The following SLC8A1 variants were observed in gnomAD, a reference collection of about 807,000 sequenced individuals.
The protein encoded by SLC8A1 is solute carrier family 8 member A1.
SLC8A1 carries 18 observed loss-of-function variants against 68.3 expected under a neutral mutation model. The observed-to-expected ratio is 0.26, with a 90% CI of 0.18 to 0.39. SLC8A1 has a LOEUF of 0.39. Among genes scored for constraint, SLC8A1 ranks in the 10% least tolerant of loss-of-function variants. The pLI is 1.00. For missense variants in SLC8A1, 985 were observed against 1,156.7 expected (o/e 0.85, Z 2.15); for synonymous variants, 475 against 415.5 (o/e 1.14, Z -1.74).
chr2:40,416,470 A>T (rs1693915681), intron 2 of SLC8A1, among the ~76,000 whole-genome samples: 1 of 152,180 alleles, frequency 6.6e-6, no homozygotes, highest in Non-Finnish European at 1.5e-5. Flanking sequence ...GAAAACAAAA[A>T]AATATCATTT....
chr2:40,180,084 G>A (rs2049186609), intron 2 of SLC8A1, among the ~76,000 whole-genome samples: 1 of 151,838 alleles, frequency 6.6e-6, no homozygotes, highest in Non-Finnish European at 1.5e-5. Flanking sequence ...CACACTAGAT[G>A]AACAGCTATA....
At chr2:40,373,455 C>T (rs1427177598) in intron 2 of SLC8A1, among the ~76,000 whole-genome samples, 2 of 152,092 alleles carry the variant, frequency 1.3e-5, no homozygotes, top group African/African-American at 4.8e-5. Flanking sequence ...GTTACAGTCA[C>T]CCTCTTTCCC....
At chr2:40,486,514 C>A (rs936228625) in intron 1 of SLC8A1, among the ~76,000 whole-genome samples, 1 of 152,098 alleles carries the variant, frequency 6.6e-6, no homozygotes, top group African/African-American at 2.4e-5. Context: ...CTCTTTCTAA[C>A]AAATAATTTT....
intron 2 of SLC8A1, among the ~76,000 whole-genome samples, chr2:40,191,767 T>G (rs926565808): frequency 5.9e-5 from 9 of 152,180 alleles, no homozygotes; most frequent in Non-Finnish European, 1.2e-4. Flanking sequence ...TTGAAAATTT[T>G]TTTAAATTTT....
At chr2:40,149,870 T>C (rs1418639477) in intron 6 of SLC8A1, among the ~76,000 whole-genome samples, 6 of 152,012 alleles carry the variant, frequency 3.9e-5, no homozygotes, top group Admixed American at 2.6e-4. Context: ...AAGAAGCCCA[T>C]TGGTCAGTAG....
chr2:40,138,964 A>G (rs886784539), intron 7 of SLC8A1, among the ~76,000 whole-genome samples: 9 of 152,216 alleles, frequency 5.9e-5, no homozygotes. Flanking sequence ...TCAGGTCTCC[A>G]GTAAGTACGT....
At chr2:40,452,376 C>T (rs1234871796), upstream of SLC8A1, among the ~76,000 whole-genome samples, 2 of 152,102 alleles carry the variant, frequency 1.3e-5, no homozygotes, top group African/African-American at 4.8e-5. Context: ...CAGCCTCTGC[C>T]GGCGAGCAGC....
chr2:40,188,894 G>C lies in SLC8A1; in HGVS notation c.1809-11039C>G, dbSNP rs116609375. 7.9e-3 allele frequency among the ~76,000 whole-genome samples: 1,197 copies of C among 152,224 alleles called. 16 individuals are homozygous for C. Among genetic ancestry groups the C allele is most frequent in the African/African-American group, 0.027 (1,113 of 41,550 alleles). On this transcript the variant is annotated intron_variant, in intron 2 of 7. Coordinates refer to ENST00000406785, the Ensembl canonical transcript of SLC8A1. ...AAAGATGGATGCCAGATATTTTCTTGAACATGGCTAAAAGAAACCAATAAT... is the reference window on the plus strand; with the variant it reads ...AAAGATGGATGCCAGATATTTTCTTCAACATGGCTAAAAGAAACCAATAAT...
intron 2 of SLC8A1, among the ~76,000 whole-genome samples, chr2:40,355,437 C>G (rs1559364513): frequency 6.6e-6 from 1 of 152,066 alleles, no homozygotes; most frequent in African/African-American, 2.4e-5. Flanking sequence ...CAGCCAGTGG[C>G]TTTCTTGGTC....
At chr2:40,173,573 G>A (rs1298229457) in intron 4 of SLC8A1, among the ~76,000 whole-genome samples, 3 of 152,096 alleles carry the variant, frequency 2.0e-5, no homozygotes, top group Non-Finnish European at 2.9e-5. Context: ...ATTCTACTTC[G>A]GACAGAATCA....
intron 2 of SLC8A1, among the ~76,000 whole-genome samples, chr2:40,238,631 C>G (rs117915882): frequency 2.6e-5 from 4 of 152,152 alleles, no homozygotes; most frequent in African/African-American, 9.7e-5. Flanking sequence ...GCTCCTCGAT[C>G]GTCTTCTGTT....
intron 2 of SLC8A1, among the ~76,000 whole-genome samples, chr2:40,332,286 T>C (rs1292888478): frequency 6.6e-6 from 1 of 152,114 alleles, no homozygotes; most frequent in Non-Finnish European, 1.5e-5. Flanking sequence ...TTTTTGAGGA[T>C]GGTGAAGAGC....
intron 2 of SLC8A1, among the ~76,000 whole-genome samples, chr2:40,203,998 G>C (rs949977009): frequency 6.6e-6 from 1 of 151,972 alleles, no homozygotes; most frequent in African/African-American, 2.4e-5. Flanking sequence ...TTATAGGTGT[G>C]AGCCACCGTG....
intron 2 of SLC8A1, among the ~76,000 whole-genome samples, chr2:40,210,474 A>G (rs779743089): frequency 6.6e-6 from 1 of 152,190 alleles, no homozygotes; most frequent in Admixed American, 6.5e-5. Context: ...ACAGGACCCA[A>G]CCAAATCACA....
intron 2 of SLC8A1, among the ~76,000 whole-genome samples, chr2:40,224,155 C>A (rs187224219): frequency 1.3e-3 from 198 of 152,234 alleles, no homozygotes; most frequent in Middle Eastern, 3.4e-3. Context: ...CGGTGGATTA[C>A]TGTAGCCAAT....
chr2:40,402,863 CTG>C (rs1559537701), intron 2 of SLC8A1, among the ~76,000 whole-genome samples: 1 of 152,210 alleles, frequency 6.6e-6, no homozygotes, highest in Non-Finnish European at 1.5e-5. Flanking sequence ...GCTCAGTAAA[CTG>C]TCTCTCTCAG....
intron 2 of SLC8A1, among the ~76,000 whole-genome samples, chr2:40,326,635 T>G (rs1459860194): frequency 6.6e-6 from 1 of 152,152 alleles, no homozygotes. Context: ...GAAAAGGTGG[T>G]CCCCTTGTCC....
At chr2:40,415,867 C>T (rs1477354617) in intron 2 of SLC8A1, among the ~76,000 whole-genome samples, 6 of 86,168 alleles carry the variant, frequency 7.0e-5, no homozygotes, top group Non-Finnish European at 1.0e-4. Flanking sequence ...TATACACACA[C>T]ACACACACAC....
intron 2 of SLC8A1, among the ~76,000 whole-genome samples, chr2:40,231,898 G>A (rs918537379): frequency 4.6e-5 from 7 of 152,154 alleles, no homozygotes; most frequent in Admixed American, 4.6e-4. Flanking sequence ...AAACTTGGCT[G>A]TCCCTGGACT....
Sources: allele counts gnomAD v4.1 joint callset (sites outside exome capture counted in the v4.1 genomes callset), GRCh38; gene constraint gnomAD v4.1.1; transcripts MANE v1.5; gene names NCBI Gene and HGNC (gene_info 2026-07-23, HGNC 2026-07-21).